The following PPARGC1B variants were observed in gnomAD, a reference collection of about 807,000 sequenced individuals.
The protein encoded by PPARGC1B is PPARG coactivator 1 beta, also known as peroxisome proliferator-activated receptor gamma coactivator 1-beta.
In PPARGC1B, 34 loss-of-function variants were observed where a neutral mutation model predicts 101.6. The ratio of observed to expected loss-of-function variants is 0.33; its 90% CI spans 0.25 to 0.45. PPARGC1B has a LOEUF of 0.45. Ranked by LOEUF, PPARGC1B falls within the 20% of genes least tolerant of loss-of-function variation. The pLI is 1.00. For synonymous variants in PPARGC1B, 548 were observed against 539.3 expected (o/e 1.02, Z -0.22); for missense variants, 1,234 against 1,317.6 (o/e 0.94, Z 0.98).
intron 1 of PPARGC1B, among the ~76,000 whole-genome samples, chr5:149,819,778 C>T (rs1372417155): frequency 2.6e-5 from 4 of 152,230 alleles, no homozygotes; most frequent in African/African-American, 7.2e-5. Flanking sequence ...GTTGGGATTA[C>T]AGGCATGAGC....
intron 1 of PPARGC1B, among the ~76,000 whole-genome samples, chr5:149,810,249 A>G (rs1336730081): frequency 1.3e-5 from 2 of 152,264 alleles, no homozygotes; most frequent in Non-Finnish European, 2.9e-5. Flanking sequence ...CACAATGTGT[A>G]TATTACCCTG....
chr5:149,750,963 A>G (rs1251786667), intron 1 of PPARGC1B, among the ~76,000 whole-genome samples: 1 of 151,686 alleles, frequency 6.6e-6, no homozygotes, highest in Admixed American at 6.6e-5. Flanking sequence ...TTGAAGAGTA[A>G]AAAAGAAGCT....
chr5:149,786,020 G>C (rs1359402401), intron 1 of PPARGC1B, among the ~76,000 whole-genome samples: 1 of 151,786 alleles, frequency 6.6e-6, no homozygotes, highest in African/African-American at 2.4e-5. Flanking sequence ...CCGGGCTCAA[G>C]GGATATTCCT....
In PPARGC1B at chr5:149,730,466, T is replaced by G; in HGVS notation, c.78+46T>G. ...GGGCCCGGGGCCAGGGGTGCTGAGCTGCGGGGGCCGCAGCTGCAGCCGCGG... is the reference window on the plus strand; with the variant it reads ...GGGCCCGGGGCCAGGGGTGCTGAGCGGCGGGGGCCGCAGCTGCAGCCGCGG... On this transcript the variant is annotated intron_variant, in intron 1 of 11. Coordinates refer to ENST00000309241, the MANE Select transcript of PPARGC1B (RefSeq NM_133263.4). This position sits in a 1 kb window ranked among gnomAD's most constrained non-coding sequence, Gnocchi z 4.0. 7.0e-7 allele frequency: 1 copy of G among 1,438,598 alleles called. No homozygotes were observed. Among genetic ancestry groups the G allele is most frequent in the Non-Finnish European group, 9.3e-7 (1 of 1,077,438 alleles). The allele number at this position is 1,438,598 out of a possible 1,614,324, so 89.1% of individuals were successfully genotyped here.
intron 1 of PPARGC1B, among the ~76,000 whole-genome samples, chr5:149,734,823 T>C (rs1754638874): frequency 6.6e-6 from 1 of 152,228 alleles, no homozygotes; most frequent in Non-Finnish European, 1.5e-5. Context: ...TGTTTTAATG[T>C]GCATTTATTT....
At chr5:149,819,892 T>C (rs891549191) in intron 1 of PPARGC1B, among the ~76,000 whole-genome samples, 2 of 152,282 alleles carry the variant, frequency 1.3e-5, no homozygotes, top group East Asian at 3.8e-4. Context: ...ATGTTCATCA[T>C]ATATGTTCCA....
chr5:149,764,162 T>C (rs1182684242), intron 1 of PPARGC1B, among the ~76,000 whole-genome samples: 9 of 119,958 alleles, frequency 7.5e-5, no homozygotes, highest in Non-Finnish European at 1.8e-4. Context: ...ATTCTTTATA[T>C]AGATAGAGAA....
chr5:149,799,687 G>GTTTTT (rs1561553708), intron 1 of PPARGC1B, among the ~76,000 whole-genome samples: 6 of 85,436 alleles, frequency 7.0e-5, no homozygotes, highest in South Asian at 4.3e-4. Context: ...TTGTTTGCTT[G>GTTTTT]TTGTTGTTTT....
At chr5:149,760,295 G>T (rs1467191940) in intron 1 of PPARGC1B, among the ~76,000 whole-genome samples, 1 of 152,194 alleles carries the variant, frequency 6.6e-6, no homozygotes, top group African/African-American at 2.4e-5. Context: ...GGGACTTAAG[G>T]TTGGGCTATC....
At chr5:149,811,277 A>C (rs1265441917) in intron 1 of PPARGC1B, among the ~76,000 whole-genome samples, 1 of 152,208 alleles carries the variant, frequency 6.6e-6, no homozygotes, top group Admixed American at 6.5e-5. Flanking sequence ...CTTGTCAAGC[A>C]GTCTGAGTGC....
chr5:149,730,351 G>T lies in PPARGC1B; in HGVS notation c.9G>T (p.Gly3=). The T allele has an allele frequency of 6.4e-7, 1 of 1,564,998 alleles. No individual in the cohort carries two copies. Among genetic ancestry groups the T allele is most frequent in the East Asian group, 2.5e-5 (1 of 40,484 alleles). MA[G]NDCGALLDEE... is the part of the protein sequence containing the mutation. ...GCAGCCGCGGCTGGAAGATGGCGGG[G>T]AACGACTGCGGCGCGCTGCTGGACG... is the stretch of plus-strand genomic sequence containing the variant. Residue 3 remains glycine, a synonymous_variant, in exon 1 of 12, where the codon GGG becomes GGT. Coordinates refer to ENST00000309241, the MANE Select transcript of PPARGC1B (RefSeq NM_133263.4). The surrounding 1 kb of genome is among the most constrained non-coding windows in gnomAD (Gnocchi z 4.0).
At chr5:149,794,254 A>T (rs574914217) in intron 1 of PPARGC1B, among the ~76,000 whole-genome samples, 64 of 152,182 alleles carry the variant, frequency 4.2e-4, no homozygotes, top group Non-Finnish European at 7.6e-4. Flanking sequence ...TTGTCACCCC[A>T]TGTGTTGGTG....
At chr5:149,789,200 GTGTT>G (rs1373576338) in intron 1 of PPARGC1B, among the ~76,000 whole-genome samples, 1 of 152,164 alleles carries the variant, frequency 6.6e-6, no homozygotes, top group African/African-American at 2.4e-5. Flanking sequence ...AAGCAGTAGT[GTGTT>G]TGTCAGTGTA....
chr5:149,799,693 G>GTTTTTTTTTTTTTTTTTTTTTTTT (rs11371560), intron 1 of PPARGC1B, among the ~76,000 whole-genome samples: 3 of 76,480 alleles, frequency 3.9e-5, no homozygotes, highest in African/African-American at 1.1e-4. Flanking sequence ...GCTTGTTGTT[G>GTTTTTTTTTTTTTTTTTTTTTTTT]TTTTTTTTTT....
At chr5:149,809,807 C>A (rs970629723) in intron 1 of PPARGC1B, among the ~76,000 whole-genome samples, 1 of 151,268 alleles carries the variant, frequency 6.6e-6, no homozygotes, top group Admixed American at 6.6e-5. Context: ...AAGTGCTAAT[C>A]GAGGGAATTC....
chr5:149,847,969 A>C lies in PPARGC1B; in HGVS notation c.*411A>C, dbSNP rs1759635903. 5.3e-6 allele frequency: 1 copy of C among 189,380 alleles called. No individual in the cohort carries two copies. The highest frequency in any genetic ancestry group is 2.3e-5 in the African/African-American group (1 of 42,734). The allele number at this position is 189,380 out of a possible 1,614,324, so 11.7% of individuals were successfully genotyped here. On this transcript the variant is annotated 3_prime_UTR_variant, in exon 12 of 12. Transcript: ENST00000309241. Reference sequence around the variant, plus strand: ...TACTTGTGAATAGAATCAGGACTATAAACTTCATTTTTAATTGAAAAAAAA... The same window carrying C: ...TACTTGTGAATAGAATCAGGACTATCAACTTCATTTTTAATTGAAAAAAAA...
At chr5:149,764,078 C>T (rs1344762736) in intron 1 of PPARGC1B, among the ~76,000 whole-genome samples, 2 of 152,196 alleles carry the variant, frequency 1.3e-5, no homozygotes, top group Non-Finnish European at 2.9e-5. Context: ...TAAAAAAGTT[C>T]GCATGTGATT....
intron 3 of PPARGC1B, among the ~76,000 whole-genome samples, chr5:149,827,343 T>C (rs1228087692): frequency 6.6e-6 from 1 of 152,240 alleles, no homozygotes; most frequent in Admixed American, 6.5e-5. Flanking sequence ...TAAAAGATTT[T>C]ACTACAAAAG....
rs373972428 is a variant in PPARGC1B, at chr5:149,854,080, T to C, written c.*6522T>C. On this transcript the variant is annotated 3_prime_UTR_variant, in exon 12 of 12. Transcript: ENST00000309241. ...CAACTGGGCAAGGTGGTCCCTATGG[T>C]CCTTTCCAGCATTTCCAAATCTTGG... 20 of 152,326 alleles carry C rather than the reference T, an allele frequency of 1.3e-4. No individual in the cohort carries two copies. In the East Asian group the frequency reaches 1.9e-3, roughly 15 times the overall value. The allele number at this position is 152,326 out of a possible 1,614,324, so 9.4% of individuals were successfully genotyped here.
Sources: allele counts gnomAD v4.1 joint callset (sites outside exome capture counted in the v4.1 genomes callset), GRCh38; gene constraint gnomAD v4.1.1; non-coding constraint Gnocchi (gnomAD v3.1); transcripts MANE v1.5; gene names NCBI Gene and HGNC (gene_info 2026-07-23, HGNC 2026-07-21).